RB1: variants seen among roughly 807,000 people sequenced by gnomAD.
The protein encoded by RB1 is retinoblastoma-associated protein.
Under a neutral mutation model 135.4 loss-of-function variants are expected in RB1, and 18 were observed. The ratio of observed to expected loss-of-function variants is 0.13; its 90% CI spans 0.09 to 0.20. The LOEUF (loss-of-function observed/expected upper bound fraction) is 0.20. Among genes scored for constraint, RB1 ranks in the 10% least tolerant of loss-of-function variants. The probability of loss-of-function intolerance (pLI) is 1.00; values close to 1 mark genes in which losing one functional copy is unlikely to be tolerated. For missense variants in RB1, 868 were observed against 1,110.0 expected, an observed-to-expected ratio of 0.78 and a Z score of 3.10; for synonymous variants, 365 against 373.2, an observed-to-expected ratio of 0.98 and a Z score of 0.25.
intron 17 of RB1, chr13:48,408,803 A>G (rs1337214696): frequency 6.6e-6 from 1 of 152,200 alleles, no homozygotes; most frequent in Non-Finnish European, 1.5e-5. Context: ...TTCTTTATGA[A>G]CATAGTAATA....
chr13:48,480,093 C>T lies in RB1; in HGVS notation c.*22C>T, dbSNP rs755363743. 6.4e-7 allele frequency: 1 copy of T among 1,569,108 alleles called. No homozygotes were observed. Among genetic ancestry groups the T allele is most frequent in the East Asian group, 2.3e-5 (1 of 44,312 alleles). ...ATGAGGATCTCAGGACCTTGGTGGACACTGTGTACACCTCTGGATTCATTG... is the reference window on the plus strand; with the variant it reads ...ATGAGGATCTCAGGACCTTGGTGGATACTGTGTACACCTCTGGATTCATTG... On this transcript the variant is annotated 3_prime_UTR_variant, in exon 27 of 27. Coordinates refer to ENST00000267163, the MANE Select transcript of RB1 (RefSeq NM_000321.3).
At chr13:48,460,579 TTGAA>T (rs1332181983) in intron 20 of RB1, among the ~76,000 whole-genome samples, 1 of 152,204 alleles carries the variant, frequency 6.6e-6, no homozygotes, top group African/African-American at 2.4e-5. Flanking sequence ...ACAATACCTA[TTGAA>T]TGAATGAATG....
chr13:48,347,163 T>A (rs1051390366), intron 4 of RB1, among the ~76,000 whole-genome samples: 1 of 152,070 alleles, frequency 6.6e-6, no homozygotes, highest in Admixed American at 6.6e-5. Flanking sequence ...ACATTGTATA[T>A]GTTTAAGGGT....
chr13:48,314,887 TTG>T (rs1437619799), intron 2 of RB1, among the ~76,000 whole-genome samples: 1 of 152,242 alleles, frequency 6.6e-6, no homozygotes, highest in African/African-American at 2.4e-5. Context: ...ATCTCTGGAC[TTG>T]TTCATCCTAT....
At chr13:48,314,610 G>C (rs1243311745) in intron 2 of RB1, among the ~76,000 whole-genome samples, 1 of 152,090 alleles carries the variant, frequency 6.6e-6, no homozygotes, top group Non-Finnish European at 1.5e-5. Flanking sequence ...GACCAGCCTG[G>C]CCAACATGGT....
At chr13:48,333,464 C>T (rs1952354576) in intron 2 of RB1, among the ~76,000 whole-genome samples, 1 of 152,056 alleles carries the variant, frequency 6.6e-6, no homozygotes, top group Non-Finnish European at 1.5e-5. Flanking sequence ...TTGGATGGAT[C>T]ATTTTTGGGC....
chr13:48,479,665 T>A (rs1377662270), intron 26 of RB1, among the ~76,000 whole-genome samples: 2 of 152,094 alleles, frequency 1.3e-5, no homozygotes, highest in Admixed American at 6.6e-5. Context: ...ATTTTTTTTT[T>A]AATTGATATA....
chr13:48,318,009 TGTC>T, intron 2 of RB1: 1 of 498,240 alleles, frequency 2.0e-6, no homozygotes. Context: ...ACTGAACTCC[TGTC>T]GTCAGACAGG....
At chr13:48,368,987 CAA>C (rs1160034041) in intron 11 of RB1, among the ~76,000 whole-genome samples, 1 of 151,730 alleles carries the variant, frequency 6.6e-6, no homozygotes, top group Non-Finnish European at 1.5e-5. Context: ...GCCTGGGTGA[CAA>C]GAGCGAAACT....
At chr13:48,393,171 G>A (rs1473770915) in intron 17 of RB1, among the ~76,000 whole-genome samples, 1 of 152,180 alleles carries the variant, frequency 6.6e-6, no homozygotes, top group African/African-American at 2.4e-5. Flanking sequence ...CCCTGGTTTT[G>A]AGTAGTATCA....
At chr13:48,322,920 T>C (rs902502024) in intron 2 of RB1, among the ~76,000 whole-genome samples, 1 of 131,420 alleles carries the variant, frequency 7.6e-6, no homozygotes, top group African/African-American at 3.8e-5. Context: ...GGTTTGCTAA[T>C]TTTTTTTTTT....
intron 3 of RB1, among the ~76,000 whole-genome samples, chr13:48,343,259 T>C (rs1406628678): frequency 6.6e-6 from 1 of 152,202 alleles, no homozygotes; most frequent in African/African-American, 2.4e-5. Context: ...GTGTTTTCAA[T>C]AATGTATGAA....
chr13:48,310,698 C>T (rs1014284253), intron 2 of RB1, among the ~76,000 whole-genome samples: 1 of 151,908 alleles, frequency 6.6e-6, no homozygotes, highest in Non-Finnish European at 1.5e-5. Flanking sequence ...ATTTTAAATG[C>T]ATTGTAGTGA....
intron 17 of RB1, among the ~76,000 whole-genome samples, chr13:48,418,804 A>G (rs1948958966): frequency 6.6e-6 from 1 of 152,200 alleles, no homozygotes; most frequent in Non-Finnish European, 1.5e-5. Flanking sequence ...GCATTACATA[A>G]TGGTAAAGGG....
intron 2 of RB1, among the ~76,000 whole-genome samples, chr13:48,321,398 C>A (rs1232702501): frequency 6.8e-6 from 1 of 146,722 alleles, no homozygotes; most frequent in South Asian, 2.2e-4. Flanking sequence ...CGCCTCCCCG[C>A]GCGCCGCTGC....
At chr13:48,446,843 G>A (rs1358680241) in intron 17 of RB1, among the ~76,000 whole-genome samples, 1 of 152,200 alleles carries the variant, frequency 6.6e-6, no homozygotes. Context: ...GTAGTGTTTT[G>A]TAAACCAAGA....
intron 17 of RB1, among the ~76,000 whole-genome samples, chr13:48,451,473 C>G (rs1177556358): frequency 6.6e-6 from 1 of 152,170 alleles, no homozygotes; most frequent in East Asian, 1.9e-4. Context: ...ATGAAGCCAG[C>G]TTGATCATGG....
chr13:48,408,192 G>T (rs1243141255), intron 17 of RB1, among the ~76,000 whole-genome samples: 1 of 151,768 alleles, frequency 6.6e-6, no homozygotes, highest in Non-Finnish European at 1.5e-5. Context: ...TCAGCATTTT[G>T]AATGTAGAAT....
Position 48,477,247 on chromosome 13 carries a change from C to T in RB1, c.2664-108C>T, listed in dbSNP as rs916527699. On this transcript the variant is annotated intron_variant, in intron 25 of 26. Transcript: ENST00000267163. ...AAATTTTAAAATTAAAAGCTACTCA[C>T]TAAAATAATAGCATAAAGTAAGTCA... 1.2e-4 allele frequency: 97 copies of T among 787,584 alleles called. No individual in the cohort carries two copies. In the African/African-American group the frequency reaches 1.3e-3, roughly 11 times the overall value. 48.8% of individuals were successfully genotyped at this position (787,584 alleles called of 1,614,324 possible). A position where few individuals can be genotyped will look rare whatever the true frequency, so the allele number is the denominator to read the frequency against.
Sources: allele counts gnomAD v4.1 joint callset (sites outside exome capture counted in the v4.1 genomes callset), GRCh38; gene constraint gnomAD v4.1.1; transcripts MANE v1.5; gene names NCBI Gene and HGNC (gene_info 2026-07-23, HGNC 2026-07-21).